The following SLC44A1 variants were observed in gnomAD, a reference collection of about 807,000 sequenced individuals.
SLC44A1 encodes choline transporter-like protein 1.
SLC44A1 carries 26 observed loss-of-function variants against 79.3 expected under a neutral mutation model. The observed-to-expected ratio is 0.33, with a 90% CI of 0.24 to 0.46. The LOEUF is 0.46. SLC44A1 is among the 20% of genes least tolerant of loss of function. SLC44A1 has a pLI of 1.00. For missense variants in SLC44A1, 688 were observed against 798.1 expected (o/e 0.86, Z 1.66); for synonymous variants, 263 against 286.2 (o/e 0.92, Z 0.82).
At position 105,397,208 on chromosome 9, in the gene SLC44A1, C is replaced by G. The variant is rs1004398303; in HGVS notation, c.*8152C>G. On this transcript the variant is annotated 3_prime_UTR_variant, in exon 16 of 16. Transcript: ENST00000374720. The stretch of plus-strand genomic sequence containing the variant: ...TGTTTTTCTTGTGCAGAAATACGAA[C>G]TAGAAAGAAAAGTGCTGATCTAATG... 22 of 985,190 alleles carry G rather than the reference C, an allele frequency of 2.2e-5. No individual in the cohort carries two copies. The highest frequency in any genetic ancestry group is 5.2e-4 in the Middle Eastern group (1 of 1,936). The allele number at this position is 985,190 out of a possible 1,614,324, so 61.0% of individuals were successfully genotyped here. A position where few individuals can be genotyped will look rare whatever the true frequency, so the allele number is the denominator to read the frequency against.
intron 5 of SLC44A1, among the ~76,000 whole-genome samples, chr9:105,353,740 T>A (rs1277842395): frequency 2.0e-5 from 3 of 152,110 alleles, no homozygotes; most frequent in Non-Finnish European, 2.9e-5. Context: ...TGAATATATT[T>A]TATGTTCAAG....
chr9:105,292,247 T>C (rs2131274065), intron 1 of SLC44A1, among the ~76,000 whole-genome samples: 1 of 152,358 alleles, frequency 6.6e-6, no homozygotes, highest in East Asian at 1.9e-4. Flanking sequence ...GACCAGATAG[T>C]ACTTAACTCA....
At chr9:105,250,428 A>G (rs963904128) in intron 1 of SLC44A1, among the ~76,000 whole-genome samples, 1 of 152,210 alleles carries the variant, frequency 6.6e-6, no homozygotes, top group African/African-American at 2.4e-5. Flanking sequence ...ATTCATAAAA[A>G]TATATTCTAC....
At position 105,335,187 on chromosome 9, in the gene SLC44A1, CTG is replaced by C. The variant is rs990481486; in HGVS notation, c.270-374_270-373del. ...CTAAAGTTTACAGTTTATATATAAA[CTG>C]TTATTCATGCTGTATTATATAGCAG... is the stretch of plus-strand genomic sequence containing the variant. On this transcript the variant is annotated intron_variant, in intron 3 of 15. Transcript: ENST00000374720. 1.1e-4 allele frequency among the ~76,000 whole-genome samples: 17 copies of C among 151,750 alleles called. 2 individuals carry two copies. The highest frequency in any genetic ancestry group is 1.0e-3 in the Admixed American group (16 of 15,244).
In SLC44A1 at chr9:105,393,190, G is replaced by A. The variant is rs1828804679; in HGVS notation, c.*4134G>A. On this transcript the variant is annotated 3_prime_UTR_variant, in exon 16 of 16. Coordinates refer to ENST00000374720, the MANE Select transcript of SLC44A1 (RefSeq NM_080546.5). ...TGTGTATTCTGTATTCACAGCGTAG[G>A]CTGCCTTTTGCTTTAAATGCATATT... 7.1e-6 allele frequency: 7 copies of A among 985,440 alleles called. No individual in the cohort carries two copies. Among genetic ancestry groups the A allele is most frequent in the Non-Finnish European group, 8.4e-6 (7 of 829,932 alleles). 61.0% of individuals were successfully genotyped at this position (985,440 alleles called of 1,614,324 possible).
chr9:105,423,797 A>G (rs576368209), intron 15 of SLC44A1, among the ~76,000 whole-genome samples: 8 of 152,330 alleles, frequency 5.3e-5, no homozygotes, highest in Admixed American at 1.3e-4. Context: ...ATATACAAGG[A>G]GTCATCTTAT....
intron 3 of SLC44A1, among the ~76,000 whole-genome samples, chr9:105,314,618 C>T (rs942885503): frequency 1.3e-5 from 2 of 152,162 alleles, no homozygotes; most frequent in Admixed American, 6.5e-5. Flanking sequence ...AAGTCCCAGT[C>T]ACTGATAAAG....
intron 15 of SLC44A1, among the ~76,000 whole-genome samples, chr9:105,428,708 T>G (rs1024261892): frequency 2.0e-5 from 3 of 151,738 alleles, no homozygotes; most frequent in Non-Finnish European, 2.9e-5. Context: ...ATTCATAACT[T>G]TTTTTTTTGA....
chr9:105,257,594 G>A (rs1829741709), intron 1 of SLC44A1, among the ~76,000 whole-genome samples: 1 of 152,284 alleles, frequency 6.6e-6, no homozygotes, highest in South Asian at 2.1e-4. Flanking sequence ...ATAATTAGAG[G>A]CTAAATTGGG....
chr9:105,332,118 CTT>C (rs34173274), intron 3 of SLC44A1, among the ~76,000 whole-genome samples: 72 of 128,208 alleles, frequency 5.6e-4, no homozygotes, highest in African/African-American at 1.7e-3. Context: ...TTCTTTGTTT[CTT>C]TTTTTTTTTT....
At chr9:105,251,195 G>A (rs977783304) in intron 1 of SLC44A1, among the ~76,000 whole-genome samples, 5 of 152,010 alleles carry the variant, frequency 3.3e-5, no homozygotes, top group African/African-American at 7.3e-5. Flanking sequence ...CCTCAAAATC[G>A]TACCCCTCAC....
chr9:105,396,151 T>C lies in SLC44A1; in HGVS notation c.*7095T>C, dbSNP rs1805750571. 1 of 985,266 alleles carries C rather than the reference T, an allele frequency of 1.0e-6. No homozygotes were observed. The highest frequency in any genetic ancestry group is 1.7e-5 in the African/African-American group (1 of 57,224). The allele number at this position is 985,266 out of a possible 1,614,324, so 61.0% of individuals were successfully genotyped here. A position where few individuals can be genotyped will look rare whatever the true frequency, so the allele number is the denominator to read the frequency against. ...GTTGCCTTAATGCTACTAGATTGTGTTGTGTTGTTGGAGTTTTCTGACTTC... is the reference window on the plus strand; with the variant it reads ...GTTGCCTTAATGCTACTAGATTGTGCTGTGTTGTTGGAGTTTTCTGACTTC... On this transcript the variant is annotated 3_prime_UTR_variant, in exon 16 of 16. Coordinates refer to ENST00000374720, the MANE Select transcript of SLC44A1 (RefSeq NM_080546.5).
chr9:105,412,352 T>C (rs1198052309), intron 15 of SLC44A1, among the ~76,000 whole-genome samples: 1 of 152,198 alleles, frequency 6.6e-6, no homozygotes, highest in East Asian at 1.9e-4. Context: ...TCAAGCTGGC[T>C]CCTGTACTTT....
chr9:105,362,760 CTAT>C, intron 8 of SLC44A1, 58 bp from the exon 9 acceptor site: 1 of 1,318,872 alleles, frequency 7.6e-7, no homozygotes, highest in Non-Finnish European at 1.0e-6. Flanking sequence ...AAAATTTCTA[CTAT>C]TTTCGGTTTC....
At position 105,356,339 on chromosome 9, in the gene SLC44A1, A is replaced by G; in HGVS notation, c.628A>G (p.Thr210Ala). ...ACACAGGCTGATTAGTGGAGTAATG[A>G]CCAGCAAAGAAATTATATTGGGACT... is the stretch of plus-strand genomic sequence containing the variant. ...VLHRLISGVM[T>A]SKEIILGLCL... The change falls in exon 6 of 16, where the codon ACC becomes GCC. Residue 210 changes from threonine (T) to alanine (A), a missense_variant. Transcript: ENST00000374720. The G allele has an allele frequency of 6.2e-7, 1 of 1,607,762 alleles. No individual in the cohort carries two copies.
rs926861301 is a variant in SLC44A1, at chr9:105,267,228, G to A, written c.36+22324G>A. 1.4e-4 allele frequency among the ~76,000 whole-genome samples: 22 copies of A among 152,214 alleles called. 2 individuals carry two copies. The highest frequency in any genetic ancestry group is 1.1e-3 in the Admixed American group (17 of 15,280). ...CCATTGCCTTCTGACTTCTAGGGTC[G>A]CTGTTGAAGTCTGCTATTCTGATTC... On this transcript the variant is annotated intron_variant, in intron 1 of 15. Coordinates refer to ENST00000374720, the MANE Select transcript of SLC44A1 (RefSeq NM_080546.5).
intron 1 of SLC44A1, chr9:105,294,864 A>AGTGTGT (rs1271516410): frequency 7.8e-5 from 6 of 77,314 alleles, no homozygotes; most frequent in Admixed American, 2.5e-4. Flanking sequence ...TTAAATTTTG[A>AGTGTGT]GTCTGTGTGT....
At chr9:105,313,446 G>A (rs1022603392) in intron 3 of SLC44A1, among the ~76,000 whole-genome samples, 3 of 152,172 alleles carry the variant, frequency 2.0e-5, no homozygotes, top group African/African-American at 4.8e-5. Context: ...TCATAAGGCT[G>A]CACTTAAATT....
At position 105,372,806 on chromosome 9, in the gene SLC44A1, C is replaced by T. The variant is rs924342471; in HGVS notation, c.1495-1792C>T. On this transcript the variant is annotated intron_variant, in intron 12 of 15. Coordinates refer to ENST00000374720, the MANE Select transcript of SLC44A1 (RefSeq NM_080546.5). ...TCTACTAAAAATACAAAAAATTAGC[C>T]GGGCGTAGTGGCGGGCGCCTGTAGT... Among the ~76,000 whole-genome samples the T allele has an allele frequency of 4.8e-5, 7 of 146,636 alleles. 1 individual carries two copies. Among genetic ancestry groups the T allele is most frequent in the Non-Finnish European group, 7.6e-5 (5 of 65,992 alleles).
Sources: gnomAD v4.1 joint callset for allele counts (sites outside exome capture counted in the v4.1 genomes callset) on GRCh38, gnomAD v4.1.1 for gene constraint, MANE v1.5 for transcripts, NCBI Gene and HGNC (gene_info 2026-07-23, HGNC 2026-07-21) for gene names.